The following HIVEP3 variants were observed in gnomAD, a reference collection of about 807,000 sequenced individuals.
The protein encoded by HIVEP3 is transcription factor HIVEP3.
In HIVEP3, 49 loss-of-function variants were observed where a neutral mutation model predicts 152.8. That is an observed-to-expected ratio of 0.32 (90% confidence interval 0.26 to 0.41). HIVEP3 has a LOEUF of 0.41. Among genes scored for constraint, HIVEP3 ranks in the 10% least tolerant of loss-of-function variants. The pLI, the probability that HIVEP3 is intolerant of heterozygous loss-of-function variation, is 1.00. For missense variants in HIVEP3, 2,790 were observed against 3,103.3 expected, an observed-to-expected ratio of 0.90 and a Z score of 2.40; for synonymous variants, 1,269 against 1,289.0, an observed-to-expected ratio of 0.98 and a Z score of 0.33.
At chr1:41,765,997 T>C (rs777342208) in intron 1 of HIVEP3, among the ~76,000 whole-genome samples, 1 of 152,232 alleles carries the variant, frequency 6.6e-6, no homozygotes, top group Non-Finnish European at 1.5e-5. Context: ...CTGATAACTA[T>C]TTGCTGCTGC....
intron 2 of HIVEP3, among the ~76,000 whole-genome samples, chr1:41,653,327 C>T (rs767465789): frequency 6.6e-6 from 1 of 152,000 alleles, no homozygotes; most frequent in Non-Finnish European, 1.5e-5. Context: ...TACACACACA[C>T]TCACATTCAC....
chr1:41,572,317 G>A (rs927412280), intron 5 of HIVEP3, among the ~76,000 whole-genome samples: 3 of 152,202 alleles, frequency 2.0e-5, no homozygotes, highest in Non-Finnish European at 4.4e-5. Context: ...AATGCTCAAG[G>A]CAAGAGGAAG....
intron 1 of HIVEP3, chr1:41,847,307 G>C (rs1392191182): frequency 6.6e-6 from 1 of 152,216 alleles, no homozygotes; most frequent in Non-Finnish European, 1.5e-5. Flanking sequence ...ATGTAAATGA[G>C]TACTCTTACA....
intron 1 of HIVEP3, among the ~76,000 whole-genome samples, chr1:41,776,284 A>T (rs1363269690): frequency 1.3e-5 from 2 of 152,264 alleles, no homozygotes; most frequent in Non-Finnish European, 2.9e-5. Flanking sequence ...TCCATGAAGA[A>T]AAAAGAAAGA....
intron 2 of HIVEP3, among the ~76,000 whole-genome samples, chr1:41,690,304 T>A (rs1410174377): frequency 1.3e-5 from 2 of 152,136 alleles, no homozygotes; most frequent in African/African-American, 4.8e-5. Flanking sequence ...CTGAGAAACA[T>A]GGCTGGCTCA....
chr1:41,529,136 C>A (rs183903983), intron 5 of HIVEP3, among the ~76,000 whole-genome samples: 51 of 118,304 alleles, frequency 4.3e-4, no homozygotes, highest in Admixed American at 1.5e-3. Flanking sequence ...TCACACAACT[C>A]ACCCTCACAC....
intron 5 of HIVEP3, among the ~76,000 whole-genome samples, chr1:41,532,092 C>CAG (rs201710765): frequency 1.2e-5 from 1 of 85,904 alleles, no homozygotes; most frequent in Non-Finnish European, 2.3e-5. Flanking sequence ...AGATGGAAGA[C>CAG]GGGAGAGAGA....
At chr1:41,853,727 G>T (rs145584702) in intron 1 of HIVEP3, among the ~76,000 whole-genome samples, 177 of 152,324 alleles carry the variant, frequency 1.2e-3, no homozygotes, top group African/African-American at 4.1e-3. Context: ...GTGAGGGAAA[G>T]TAGGAGTGAA....
intron 1 of HIVEP3, among the ~76,000 whole-genome samples, chr1:42,018,717 G>C (rs1290575603): frequency 6.6e-6 from 1 of 152,016 alleles, no homozygotes; most frequent in Admixed American, 6.6e-5. Context: ...AGTTCTCCTT[G>C]ACTAGAGAAA....
intron 1 of HIVEP3, among the ~76,000 whole-genome samples, chr1:41,732,328 C>G (rs1217048844): frequency 2.0e-5 from 3 of 152,146 alleles, no homozygotes; most frequent in Non-Finnish European, 4.4e-5. Flanking sequence ...GATTAAGCAA[C>G]TCGCCCAGGG....
At chr1:41,538,855 G>A (rs1456487885) in intron 5 of HIVEP3, among the ~76,000 whole-genome samples, 1 of 152,066 alleles carries the variant, frequency 6.6e-6, no homozygotes, top group Admixed American at 6.6e-5. Context: ...ATTAGGTGGA[G>A]TTGCTCCAGC....
intron 2 of HIVEP3, among the ~76,000 whole-genome samples, chr1:41,681,712 G>A (rs1646041705): frequency 6.6e-6 from 1 of 152,230 alleles, no homozygotes; most frequent in African/African-American, 2.4e-5. Context: ...GGATGGGCAA[G>A]TGATCCAGTG....
intron 5 of HIVEP3, among the ~76,000 whole-genome samples, chr1:41,574,385 G>C (rs1644296451): frequency 6.6e-6 from 1 of 152,128 alleles, no homozygotes; most frequent in African/African-American, 2.4e-5. Context: ...GCTGCTATTG[G>C]TATTTTAGGC....
Position 41,582,309 on chromosome 1 carries a change from G to A in HIVEP3, c.2489C>T (p.Ser830Leu). 6.2e-7 allele frequency: 1 copy of A among 1,614,186 alleles called. No homozygotes were observed. The highest frequency in any genetic ancestry group is 2.2e-5 in the East Asian group (1 of 44,886). Residue 830 changes from serine to leucine, a missense_variant, in exon 4 of 9, where the codon TCA becomes TTA. By Grantham distance (145) the Ser-to-Leu change is moderately radical. Transcript: ENST00000372583. The surrounding 1 kb of genome is among the most constrained non-coding windows in gnomAD (Gnocchi z 4.7). Reference sequence around the variant, plus strand: ...GCGTCCGTGTGGGGCAGGTGGGGGTGATGGGAACTGGGCCAGAGGTTTGTC... The same window carrying A: ...GCGTCCGTGTGGGGCAGGTGGGGGTAATGGGAACTGGGCCAGAGGTTTGTC... ...GEDKPLAQFPSPPPAPHGRSA... is the reference protein window; with the variant it reads ...GEDKPLAQFPLPPPAPHGRSA...
At chr1:42,011,540 AC>A (rs1429312577) in intron 1 of HIVEP3, among the ~76,000 whole-genome samples, 1 of 151,998 alleles carries the variant, frequency 6.6e-6, no homozygotes, top group Non-Finnish European at 1.5e-5. Context: ...CACCACCATC[AC>A]CCTTCTTGTT....
At chr1:41,929,236 T>C (rs1429735638) in intron 1 of HIVEP3, among the ~76,000 whole-genome samples, 1 of 152,172 alleles carries the variant, frequency 6.6e-6, no homozygotes, top group Non-Finnish European at 1.5e-5. Context: ...CATCAAATAA[T>C]CAGTGTATTC....
intron 3 of HIVEP3, among the ~76,000 whole-genome samples, chr1:41,627,863 A>ACTCC (rs1182346455): frequency 5.3e-5 from 8 of 151,334 alleles, no homozygotes; most frequent in Non-Finnish European, 1.0e-4. Flanking sequence ...AGGCCAGAGA[A>ACTCC]CTCCCTCCCT....
intron 1 of HIVEP3, among the ~76,000 whole-genome samples, chr1:41,737,950 G>A (rs981450796): frequency 1.3e-5 from 2 of 152,220 alleles, no homozygotes; most frequent in Non-Finnish European, 2.9e-5. Flanking sequence ...GGCCTTTGCT[G>A]TACCTGTTCT....
At chr1:41,869,840 T>A (rs1310153184) in intron 1 of HIVEP3, among the ~76,000 whole-genome samples, 1 of 152,086 alleles carries the variant, frequency 6.6e-6, no homozygotes, top group East Asian at 1.9e-4. Flanking sequence ...ATAAAGAAAA[T>A]TTTTGTAGAA....
Sources: allele counts gnomAD v4.1 joint callset (sites outside exome capture counted in the v4.1 genomes callset), GRCh38; gene constraint gnomAD v4.1.1; non-coding constraint Gnocchi (gnomAD v3.1); transcripts MANE v1.5; gene names NCBI Gene and HGNC (gene_info 2026-07-23, HGNC 2026-07-21).